The following DCN variants were observed in gnomAD, a reference collection of about 807,000 sequenced individuals.
DCN encodes bone proteoglycan II.
Under a neutral mutation model 36.5 loss-of-function variants are expected in DCN, and 17 were observed. The ratio of observed to expected loss-of-function variants is 0.47; its 90% CI spans 0.32 to 0.70. DCN has a LOEUF of 0.70. Ranked by LOEUF, DCN falls within the 30% of genes least tolerant of loss-of-function variation. DCN has a pLI of 0.04. For synonymous variants in DCN, 163 were observed against 161.4 expected (o/e 1.01, Z -0.07); for missense variants, 389 against 430.1 (o/e 0.90, Z 0.84).
Position 91,178,201 on chromosome 12 carries a change from T to A in DCN, c.211+141A>T, listed in dbSNP as rs549511934. ...CAACGCTACTTTTCTTTCTATCCTG[T>A]TCTGCTTCCTTTACTCCTCATTAGG... is the stretch of plus-strand genomic sequence containing the variant. On this transcript the variant is annotated intron_variant, in intron 2 of 7. Transcript: ENST00000052754. The A allele has an allele frequency of 2.0e-5, 15 of 748,706 alleles. No individual in the cohort carries two copies. The East Asian group carries it at 3.9e-4, about 20-fold the overall frequency. The allele number at this position is 748,706 out of a possible 1,614,324, so 46.4% of individuals were successfully genotyped here. A position where few individuals can be genotyped will look rare whatever the true frequency, so the allele number is the denominator to read the frequency against.
chr12:91,157,094 A>AT lies in DCN; in HGVS notation c.632dup (p.Asn211LysfsTer19). On this transcript the variant is annotated frameshift_variant, in exon 5 of 8. Coordinates refer to ENST00000052754, the MANE Select transcript of DCN (RefSeq NM_001920.5). LOFTEE classifies it high-confidence loss of function. The stretch of plus-strand genomic sequence containing the variant: ...TATCACCTTGAGGAATGCTGGTGAT[A>AT]TTGGTATCAGCAATGCGGATGTAGG... 6.2e-7 allele frequency: 1 copy of AT among 1,603,928 alleles called. No homozygotes were observed. The highest frequency in any genetic ancestry group is 8.5e-7 in the Non-Finnish European group (1 of 1,170,856).
intron 7 of DCN, among the ~76,000 whole-genome samples, chr12:91,150,411 C>A (rs142048880): frequency 1.4e-4 from 21 of 152,136 alleles, no homozygotes; most frequent in African/African-American, 4.6e-4. Flanking sequence ...GATTATAAAA[C>A]CAAATACAGG....
At chr12:91,165,812 A>G (rs1432367119) in intron 2 of DCN, among the ~76,000 whole-genome samples, 1 of 152,170 alleles carries the variant, frequency 6.6e-6, no homozygotes, top group African/African-American at 2.4e-5. Context: ...TCATAAATTC[A>G]ACAAGCCTTT....
At chr12:91,173,614 C>T (rs1359000280) in intron 2 of DCN, among the ~76,000 whole-genome samples, 1 of 152,176 alleles carries the variant, frequency 6.6e-6, no homozygotes, top group African/African-American at 2.4e-5. Context: ...TTTGGAAACA[C>T]CCTTTTGGTG....
chr12:91,151,633 T>A, intron 7 of DCN, 21 bp downstream of exon 7: 1 of 1,613,828 alleles, frequency 6.2e-7, no homozygotes, highest in Non-Finnish European at 8.5e-7. Flanking sequence ...ATTCCTCACA[T>A]AAGCAGTGGC....
chr12:91,178,984 A>G (rs1437198964), intron 1 of DCN, among the ~76,000 whole-genome samples: 1 of 152,174 alleles, frequency 6.6e-6, no homozygotes, highest in African/African-American at 2.4e-5. Context: ...CTTCAGAAAT[A>G]TCTCTGGAAG....
chr12:91,164,375 A>AAC (rs1882366304), intron 3 of DCN, among the ~76,000 whole-genome samples: 1 of 146,160 alleles, frequency 6.8e-6, no homozygotes, highest in Non-Finnish European at 1.5e-5. Context: ...ATAAAAAAAA[A>AAC]ATTAAAAAAA....
intron 5 of DCN, among the ~76,000 whole-genome samples, chr12:91,156,318 A>C (rs1280772947): frequency 6.6e-6 from 1 of 152,182 alleles, no homozygotes; most frequent in African/African-American, 2.4e-5. Context: ...CATCGCCTAC[A>C]CATACTGATT....
At position 91,142,979 on chromosome 12, in the gene DCN, T is replaced by G. The variant is rs572847225; in HGVS notation, c.*3079A>C. On this transcript the variant is annotated 3_prime_UTR_variant, in exon 8 of 8. Transcript: ENST00000052754. Reference sequence around the variant, plus strand: ...TTTGGAAATAGAGTCTTTGCAGATATAATCAAGTTAAGATGGGTTCATACT... The same window carrying G: ...TTTGGAAATAGAGTCTTTGCAGATAGAATCAAGTTAAGATGGGTTCATACT... 6.6e-6 allele frequency: 1 copy of G among 152,190 alleles called. No individual in the cohort carries two copies. The highest frequency in any genetic ancestry group is 1.5e-5 in the Non-Finnish European group (1 of 68,048). The allele number at this position is 152,190 out of a possible 1,614,324, so 9.4% of individuals were successfully genotyped here.
intron 2 of DCN, among the ~76,000 whole-genome samples, chr12:91,166,593 C>T (rs550536766): frequency 5.3e-5 from 8 of 152,194 alleles, no homozygotes; most frequent in African/African-American, 1.4e-4. Context: ...TATTCATTGG[C>T]GAACTTAAAT....
chr12:91,174,240 A>G (rs1883155084), intron 2 of DCN, among the ~76,000 whole-genome samples: 1 of 152,052 alleles, frequency 6.6e-6, no homozygotes, highest in African/African-American at 2.4e-5. Flanking sequence ...GTCTATTTAC[A>G]TTTGGAGATG....
intron 7 of DCN, among the ~76,000 whole-genome samples, chr12:91,148,121 T>C (rs1170586540): frequency 6.6e-6 from 1 of 151,658 alleles, no homozygotes; most frequent in Non-Finnish European, 1.5e-5. Context: ...TTATCCAGGC[T>C]GAAGTGCGGT....
chr12:91,151,061 G>C (rs1881377785), intron 7 of DCN: 2 of 154,874 alleles, frequency 1.3e-5, no homozygotes. Flanking sequence ...CACGGACACA[G>C]AGAGGGTAAC....
intron 2 of DCN, among the ~76,000 whole-genome samples, chr12:91,166,721 T>G (rs1375254323): frequency 3.3e-5 from 5 of 152,126 alleles, no homozygotes; most frequent in Admixed American, 1.3e-4. Flanking sequence ...TCCTAAAATT[T>G]TATAACACTA....
chr12:91,165,259 G>A (rs138793913), intron 2 of DCN, among the ~76,000 whole-genome samples: 4 of 152,210 alleles, frequency 2.6e-5, no homozygotes, highest in South Asian at 2.1e-4. Flanking sequence ...TGGGATAACG[G>A]TTCTTTTAGT....
At position 91,158,350 on chromosome 12, in the gene DCN, T is replaced by A. The variant is rs748665361; in HGVS notation, c.484A>T (p.Ile162Phe). 15 of 1,613,848 alleles carry A rather than the reference T, an allele frequency of 9.3e-6. No homozygotes were observed. Among genetic ancestry groups the A allele is most frequent in the Non-Finnish European group, 1.2e-5 (14 of 1,179,844 alleles). Reference sequence around the variant, plus strand: ...AAAGTAACTTTTCGCACTTTGGTGATCTCATTCTCATGGGCACGCAGCTCC... The same window carrying A: ...AAAGTAACTTTTCGCACTTTGGTGAACTCATTCTCATGGGCACGCAGCTCC... ...LQELRAHENE[I>F]TKVRKVTFNG... is the part of the protein sequence containing the mutation. The change falls in exon 4 of 8, where the codon ATC becomes TTC. Residue 162 changes from isoleucine (I) to phenylalanine (F), a missense_variant. By Grantham distance (21) the Ile-to-Phe change is conservative. Transcript: ENST00000052754.
At chr12:91,171,917 T>C (rs3138189) in intron 2 of DCN, among the ~76,000 whole-genome samples, 17,703 of 152,116 alleles carry the variant, frequency 0.12, 1,401 homozygotes, top group African/African-American at 0.22. Flanking sequence ...AACAGGAGCA[T>C]AGTGGTTTCC....
Position 91,153,104 on chromosome 12 carries a change from A to T in DCN, c.738T>A (p.Asn246Lys). 1.3e-6 allele frequency: 2 copies of T among 1,586,338 alleles called. No homozygotes were observed. The highest frequency in any genetic ancestry group is 1.7e-6 in the Non-Finnish European group (2 of 1,154,806). ...TGAAAGAATATTATTACTTAGCCAA[A>T]TTATTCAGTCCTTTCAGGCTAGCTG... is the stretch of plus-strand genomic sequence containing the variant. The part of the protein sequence containing the change: ...VDAASLKGLN[N>K]LAKLGLSFNS... Residue 246 changes from asparagine (N) to lysine (K), a missense_variant, in exon 6 of 8, where the codon AAT becomes AAA. Asn to Lys is a moderately conservative substitution (Grantham distance 94). Transcript: ENST00000052754.
intron 7 of DCN, among the ~76,000 whole-genome samples, chr12:91,149,955 G>C (rs989590676): frequency 6.6e-6 from 1 of 152,056 alleles, no homozygotes; most frequent in Non-Finnish European, 1.5e-5. Context: ...GACTTGGAAG[G>C]CTCAATATTA....
Sources: allele counts gnomAD v4.1 joint callset (sites outside exome capture counted in the v4.1 genomes callset), GRCh38; gene constraint gnomAD v4.1.1; transcripts MANE v1.5; gene names NCBI Gene and HGNC (gene_info 2026-07-23, HGNC 2026-07-21).